The following SUGCT variants were observed in gnomAD, a reference collection of about 807,000 sequenced individuals.
The protein encoded by SUGCT is succinyl-CoA:glutarate-CoA transferase.
Under a neutral mutation model 55.0 loss-of-function variants are expected in SUGCT, and 41 were observed. The ratio of observed to expected loss-of-function variants is 0.74; its 90% CI spans 0.58 to 0.97. The LOEUF is 0.97. SUGCT is among the 50% of genes least tolerant of loss of function. The probability of loss-of-function intolerance (pLI) is 0.00; values close to 1 mark genes in which losing one functional copy is unlikely to be tolerated. For missense variants in SUGCT, 568 were observed against 547.8 expected (o/e 1.04, Z -0.37); for synonymous variants, 187 against 200.4 (o/e 0.93, Z 0.56).
chr7:40,870,208 GAAAGA>G, the SUGCT span, among the ~76,000 whole-genome samples: 1 of 152,224 alleles, frequency 6.6e-6, no homozygotes, highest in Non-Finnish European at 1.5e-5. Flanking sequence ...TCATTGAACT[GAAAGA>G]AAAGTGTTAC....
chr7:40,191,045 C>T (rs1430859203), intron 5 of SUGCT, among the ~76,000 whole-genome samples: 2 of 152,172 alleles, frequency 1.3e-5, no homozygotes, highest in African/African-American at 4.8e-5. Flanking sequence ...GAGACAGAGT[C>T]TTGCCGTGTC....
At chr7:41,030,420 C>T in the SUGCT span, among the ~76,000 whole-genome samples, 4 of 152,084 alleles carry the variant, frequency 2.6e-5, no homozygotes, top group African/African-American at 7.2e-5. Flanking sequence ...TGATTTTTGA[C>T]TCATCCATTA....
the SUGCT span, among the ~76,000 whole-genome samples, chr7:40,948,728 G>C: frequency 1.4e-3 from 212 of 151,842 alleles, no homozygotes; most frequent in African/African-American, 5.1e-3. Context: ...TCCTGTGTTA[G>C]TTTGCTGAGA....
At chr7:40,928,603 AT>A in the SUGCT span, among the ~76,000 whole-genome samples, 111 of 144,502 alleles carry the variant, frequency 7.7e-4, no homozygotes, top group African/African-American at 1.1e-3. Flanking sequence ...TAAAACTCTA[AT>A]TTTTTTTTTT....
intron 12 of SUGCT, among the ~76,000 whole-genome samples, chr7:40,666,530 A>G (rs1433785276): frequency 6.6e-6 from 1 of 150,872 alleles, no homozygotes; most frequent in East Asian, 2.0e-4. Context: ...TTTTCAAAGA[A>G]TGAAGAAGGA....
At chr7:40,588,595 A>G (rs193073663) in intron 12 of SUGCT, among the ~76,000 whole-genome samples, 2 of 152,316 alleles carry the variant, frequency 1.3e-5, no homozygotes, top group African/African-American at 2.4e-5. Flanking sequence ...AGAACTATAA[A>G]CAATATTAAT....
At chr7:40,218,301 C>T (rs1049633852) in intron 6 of SUGCT, among the ~76,000 whole-genome samples, 7 of 152,290 alleles carry the variant, frequency 4.6e-5, no homozygotes, top group Admixed American at 1.3e-4. Flanking sequence ...GAGAAATACA[C>T]GCATGTACTA....
intron 12 of SUGCT, among the ~76,000 whole-genome samples, chr7:40,658,860 T>C (rs1312578585): frequency 6.6e-6 from 1 of 152,158 alleles, no homozygotes; most frequent in Non-Finnish European, 1.5e-5. Context: ...GCTCTTCCTC[T>C]CCATGTGTCA....
the SUGCT span, among the ~76,000 whole-genome samples, chr7:40,897,981 A>G: frequency 1.3e-5 from 2 of 152,268 alleles, no homozygotes; most frequent in African/African-American, 2.4e-5. Flanking sequence ...CTGCGCCAAC[A>G]GTGGCCACCC....
chr7:40,594,626 C>T (rs553176907), intron 12 of SUGCT, among the ~76,000 whole-genome samples: 1 of 152,262 alleles, frequency 6.6e-6, no homozygotes, highest in South Asian at 2.1e-4. Flanking sequence ...AATCTCTTAC[C>T]ATGAACTTCT....
chr7:40,365,540 A>C (rs1024025241), intron 9 of SUGCT, among the ~76,000 whole-genome samples: 2 of 152,198 alleles, frequency 1.3e-5, no homozygotes, highest in Admixed American at 6.5e-5. Context: ...AAATCTCCTT[A>C]AGCTGATAAG....
chr7:40,245,449 TTTTTTTTTG>T (rs1789795422), intron 7 of SUGCT, among the ~76,000 whole-genome samples: 1 of 91,958 alleles, frequency 1.1e-5, no homozygotes, highest in African/African-American at 5.0e-5. Flanking sequence ...TTTTTTTTTT[TTTTTTTTTG>T]AGATGGAGTC....
intron 12 of SUGCT, among the ~76,000 whole-genome samples, chr7:40,658,319 T>G (rs977928230): frequency 2.0e-5 from 3 of 152,246 alleles, no homozygotes; most frequent in African/African-American, 7.2e-5. Flanking sequence ...AACTCTGTTA[T>G]GTTGAACCCC....
At chr7:40,919,142 C>T in the SUGCT span, among the ~76,000 whole-genome samples, 1 of 152,212 alleles carries the variant, frequency 6.6e-6, no homozygotes, top group African/African-American at 2.4e-5. Context: ...ATGCCTTTAA[C>T]CACCTGCTAG....
the SUGCT span, among the ~76,000 whole-genome samples, chr7:40,949,669 A>G: frequency 6.6e-6 from 1 of 152,224 alleles, no homozygotes; most frequent in Non-Finnish European, 1.5e-5. Context: ...AGCTTTCTAC[A>G]TATGGCTAGC....
the SUGCT span, among the ~76,000 whole-genome samples, chr7:40,964,516 G>C: frequency 8.5e-5 from 13 of 152,262 alleles, no homozygotes; most frequent in Non-Finnish European, 1.6e-4. Context: ...CCCTCTGGGT[G>C]GGTCTCAGTA....
At chr7:40,576,944 A>G (rs984020674) in intron 12 of SUGCT, among the ~76,000 whole-genome samples, 2 of 152,182 alleles carry the variant, frequency 1.3e-5, no homozygotes, top group African/African-American at 4.8e-5. Flanking sequence ...CCTGGGGCCA[A>G]GGAGAGTGAT....
chr7:40,514,641 C>T (rs998783436), intron 12 of SUGCT, among the ~76,000 whole-genome samples: 8 of 130,246 alleles, frequency 6.1e-5, no homozygotes, highest in East Asian at 2.6e-4. Context: ...ACCCGGGAGG[C>T]GGAGGTTGCA....
intron 13 of SUGCT, among the ~76,000 whole-genome samples, chr7:40,795,938 T>C (rs1425862232): frequency 6.6e-6 from 1 of 152,198 alleles, no homozygotes; most frequent in Admixed American, 6.6e-5. Flanking sequence ...TTTGAATATG[T>C]GATCTTTTAC....
Sources: allele counts gnomAD v4.1 joint callset (sites outside exome capture counted in the v4.1 genomes callset), GRCh38; gene constraint gnomAD v4.1.1; transcripts MANE v1.5; gene names NCBI Gene and HGNC (gene_info 2026-07-23, HGNC 2026-07-21).